The following WIPF3 variants were observed in gnomAD, a reference collection of about 807,000 sequenced individuals.
WIPF3 encodes the protein WAS/WASL interacting protein family member 3, also known as WAS/WASL-interacting protein family member 3.
In WIPF3, 33 loss-of-function variants were observed where a neutral mutation model predicts 38.9. The observed-to-expected ratio is 0.85, with a 90% CI of 0.64 to 1.14. The LOEUF (loss-of-function observed/expected upper bound fraction) is 1.14. Ranked by LOEUF, WIPF3 falls within the 50% of genes most tolerant of loss-of-function variation. The pLI, the probability that WIPF3 is intolerant of heterozygous loss-of-function variation, is 0.00. For missense variants in WIPF3, 711 were observed against 652.5 expected (o/e 1.09, Z -0.98); for synonymous variants, 324 against 269.3 (o/e 1.20, Z -1.99).
chr7:29,902,526 T>C (rs1786309067), intron 7 of WIPF3, among the ~76,000 whole-genome samples: 1 of 152,128 alleles, frequency 6.6e-6, no homozygotes, highest in African/African-American at 2.4e-5. Flanking sequence ...TGTAGAAAAG[T>C]TGAAAAAATA....
chr7:29,882,045 TC>T (rs1001240872), intron 4 of WIPF3, among the ~76,000 whole-genome samples: 16 of 152,320 alleles, frequency 1.1e-4, no homozygotes, highest in Admixed American at 2.0e-4. Context: ...CTCACCTTCC[TC>T]CCTGAGGGGC....
chr7:29,896,659 C>T (rs1786152364), intron 7 of WIPF3, among the ~76,000 whole-genome samples: 1 of 152,000 alleles, frequency 6.6e-6, no homozygotes, highest in Non-Finnish European at 1.5e-5. Context: ...GTGATAGAAA[C>T]ATTTTGAAAC....
At chr7:29,840,329 A>G (rs1784894082) in intron 2 of WIPF3, among the ~76,000 whole-genome samples, 1 of 152,096 alleles carries the variant, frequency 6.6e-6, no homozygotes, top group Admixed American at 6.5e-5. Flanking sequence ...CTGCATAGCC[A>G]TTGAGAGCCT....
chr7:29,913,524 G>A (rs1171885397), intron 8 of WIPF3, among the ~76,000 whole-genome samples: 7 of 152,000 alleles, frequency 4.6e-5, no homozygotes, highest in Non-Finnish European at 1.0e-4. Context: ...TATTATTCCC[G>A]TGACCAGGAA....
chr7:29,874,998 C>T lies in WIPF3; in HGVS notation c.91-832C>T, dbSNP rs777318398. ...CCCCAGCCCTGTAGCCTCAAACAGA[C>T]GATTTCTTAGTCTCAGTTTCCTCAT... is the stretch of plus-strand genomic sequence containing the variant. On this transcript the variant is annotated intron_variant, in intron 2 of 8. Transcript: ENST00000242140. Among the ~76,000 whole-genome samples the T allele has an allele frequency of 2.6e-5, 4 of 152,160 alleles. No individual in the cohort carries two copies. In the East Asian group the frequency reaches 5.8e-4, roughly 22 times the overall value.
At chr7:29,900,444 C>A (rs1473985645) in intron 7 of WIPF3, among the ~76,000 whole-genome samples, 3 of 152,028 alleles carry the variant, frequency 2.0e-5, no homozygotes. Flanking sequence ...AAGTGAGGTC[C>A]GCTGGTATGC....
In WIPF3 at chr7:29,878,213, A is replaced by G. The variant is rs901804272; in HGVS notation, c.224-796A>G. ...TCACTTCCTAATCATTCTCATGAGT[A>G]AGTAATGTACAATATTAATACTCAG... is the stretch of plus-strand genomic sequence containing the variant. On this transcript the variant is annotated intron_variant, in intron 3 of 8. Coordinates refer to ENST00000242140, the MANE Select transcript of WIPF3 (RefSeq NM_001080529.3). The surrounding 1 kb of genome is among the most constrained non-coding windows in gnomAD (Gnocchi z 4.0). Among the ~76,000 whole-genome samples, 2 of 152,260 alleles carry G rather than the reference A, an allele frequency of 1.3e-5. No homozygotes were observed. Among genetic ancestry groups the G allele is most frequent in the Admixed American group, 1.3e-4 (2 of 15,292 alleles).
chr7:29,834,457 T>A (rs1374274392), intron 1 of WIPF3, among the ~76,000 whole-genome samples: 2 of 152,172 alleles, frequency 1.3e-5, no homozygotes, highest in Non-Finnish European at 2.9e-5. Context: ...CTATTATCTC[T>A]AGAATCTGGC....
chr7:29,858,672 G>A (rs1785226930), intron 2 of WIPF3, among the ~76,000 whole-genome samples: 1 of 152,200 alleles, frequency 6.6e-6, no homozygotes, highest in Non-Finnish European at 1.5e-5. Flanking sequence ...CATTGCAGCT[G>A]TCGTGACCTT....
chr7:29,854,032 G>A (rs1422048036), intron 2 of WIPF3, among the ~76,000 whole-genome samples: 8 of 152,312 alleles, frequency 5.3e-5, no homozygotes, highest in African/African-American at 1.7e-4. Context: ...TTCACTGCAC[G>A]CTGGTAAACT....
chr7:29,890,607 A>G (rs1410030759), intron 7 of WIPF3, among the ~76,000 whole-genome samples: 1 of 152,250 alleles, frequency 6.6e-6, no homozygotes, highest in Non-Finnish European at 1.5e-5. Flanking sequence ...GTCTTCTTTC[A>G]GAGGGACCTT....
intron 4 of WIPF3, among the ~76,000 whole-genome samples, chr7:29,879,416 G>A (rs1438629512): frequency 1.3e-5 from 2 of 152,288 alleles, no homozygotes; most frequent in East Asian, 3.9e-4. Flanking sequence ...ATGGCGTGAT[G>A]GTAGCCCAGA....
chr7:29,857,653 T>C (rs1305705251), intron 2 of WIPF3, among the ~76,000 whole-genome samples: 2 of 152,214 alleles, frequency 1.3e-5, no homozygotes, highest in South Asian at 2.1e-4. Context: ...TCCCACCTCC[T>C]ACCCAGTGAC....
intron 1 of WIPF3, among the ~76,000 whole-genome samples, chr7:29,830,583 G>A (rs1784701852): frequency 6.8e-6 from 1 of 146,348 alleles, no homozygotes; most frequent in Non-Finnish European, 1.5e-5. Context: ...TCACGCCGCT[G>A]CACTCCAGGC....
intron 5 of WIPF3, 120 bp from the exon 6 acceptor site, chr7:29,887,948 C>T (rs1224869282): frequency 7.8e-6 from 10 of 1,280,216 alleles, no homozygotes; most frequent in Non-Finnish European, 1.1e-5. Flanking sequence ...CCAGAGGTTG[C>T]CCTTTTACTC....
At chr7:29,880,830 T>C (rs932114484) in intron 4 of WIPF3, among the ~76,000 whole-genome samples, 2 of 152,286 alleles carry the variant, frequency 1.3e-5, no homozygotes, top group Middle Eastern at 3.4e-3. Context: ...CTGGGTACCA[T>C]GTCAGGGCAA....
chr7:29,832,384 T>C (rs1369242959), intron 1 of WIPF3, among the ~76,000 whole-genome samples: 3 of 152,232 alleles, frequency 2.0e-5, no homozygotes, highest in African/African-American at 7.2e-5. Context: ...TCTAACCCTA[T>C]GTCATTGTGT....
At chr7:29,846,634 G>A (rs188042313) in intron 2 of WIPF3, among the ~76,000 whole-genome samples, 21 of 152,352 alleles carry the variant, frequency 1.4e-4, no homozygotes, top group Admixed American at 1.4e-3. Context: ...CTGGGAGGCG[G>A]AGGTTGCAGT....
At chr7:29,855,564 A>C (rs1397343655) in intron 2 of WIPF3, among the ~76,000 whole-genome samples, 2 of 152,228 alleles carry the variant, frequency 1.3e-5, no homozygotes, top group African/African-American at 4.8e-5. Flanking sequence ...CATGCCATGC[A>C]GCAGCTGTTG....
Sources: allele counts gnomAD v4.1 joint callset (sites outside exome capture counted in the v4.1 genomes callset), GRCh38; gene constraint gnomAD v4.1.1; non-coding constraint Gnocchi (gnomAD v3.1); transcripts MANE v1.5; gene names NCBI Gene and HGNC (gene_info 2026-07-23, HGNC 2026-07-21).